Variants in NRXN1 observed in about 807,000 individuals in gnomAD.
The protein encoded by NRXN1 is neurexin-1.
A neutral mutation model predicts 150.9 loss-of-function variants in NRXN1; 39 were observed. The observed-to-expected ratio is 0.26, with a 90% CI of 0.20 to 0.34. The LOEUF is 0.34. Among genes scored for constraint, NRXN1 ranks in the 10% least tolerant of loss-of-function variants. NRXN1 has a pLI of 1.00. For missense variants in NRXN1, 1,815 were observed against 1,949.9 expected, an observed-to-expected ratio of 0.93 and a Z score of 1.30; for synonymous variants, 924 against 757.0, an observed-to-expected ratio of 1.22 and a Z score of -3.62.
Position 50,249,307 on chromosome 2 carries a change from A to G in NRXN1, c.3365-12337T>C, listed in dbSNP as rs560248974. Among the ~76,000 whole-genome samples the G allele has an allele frequency of 3.3e-5, 5 of 152,242 alleles. No individual in the cohort carries two copies. In the East Asian group the frequency reaches 7.7e-4, roughly 24 times the overall value. ...TGAGAGATCACTTTTAGATTTCTTG[A>G]AAGTTTAAAAACCAGATGGCTTAGA... On this transcript the variant is annotated intron_variant, in intron 17 of 22. Coordinates refer to ENST00000401669, the MANE Select transcript of NRXN1 (RefSeq NM_001330078.2).
intron 2 of NRXN1, among the ~76,000 whole-genome samples, chr2:50,977,874 A>T (rs1696112182): frequency 6.6e-6 from 1 of 151,880 alleles, no homozygotes; most frequent in African/African-American, 2.4e-5. Context: ...GAAATAGGGC[A>T]TTGCATCTAT....
intron 5 of NRXN1, among the ~76,000 whole-genome samples, chr2:50,775,830 T>C (rs989114525): frequency 1.3e-5 from 2 of 152,112 alleles, no homozygotes; most frequent in East Asian, 3.9e-4. Flanking sequence ...AAGTCAACTT[T>C]TTTATGTAAA....
At chr2:50,770,414 G>T (rs1445205714) in intron 5 of NRXN1, among the ~76,000 whole-genome samples, 1 of 151,502 alleles carries the variant, frequency 6.6e-6, no homozygotes, top group Non-Finnish European at 1.5e-5. Context: ...GTGAATTCTG[G>T]CTCCATTAAA....
At chr2:50,009,141 T>G (rs1685239445) in intron 21 of NRXN1, among the ~76,000 whole-genome samples, 1 of 152,150 alleles carries the variant, frequency 6.6e-6, no homozygotes, top group Admixed American at 6.5e-5. Context: ...AAGTAAATAG[T>G]ATTTATGATA....
At chr2:50,518,888 T>C (rs556743088) in intron 12 of NRXN1, among the ~76,000 whole-genome samples, 1 of 144,522 alleles carries the variant, frequency 6.9e-6, no homozygotes, top group African/African-American at 2.6e-5. Context: ...ATAAACTTTT[T>C]CCAAAAGTAA....
chr2:50,967,606 A>G (rs1169531898), intron 2 of NRXN1, among the ~76,000 whole-genome samples: 1 of 152,080 alleles, frequency 6.6e-6, no homozygotes, highest in African/African-American at 2.4e-5. Context: ...ATAGAGATGT[A>G]ATGATTTTTA....
chr2:50,200,834 T>C (rs2062107653), intron 18 of NRXN1, among the ~76,000 whole-genome samples: 1 of 152,092 alleles, frequency 6.6e-6, no homozygotes, highest in African/African-American at 2.4e-5. Context: ...CCTATGAAAA[T>C]TGTATTAGGT....
At chr2:50,587,671 T>A (rs1190374983) in intron 8 of NRXN1, among the ~76,000 whole-genome samples, 2 of 152,176 alleles carry the variant, frequency 1.3e-5, no homozygotes, top group Non-Finnish European at 2.9e-5. Flanking sequence ...AAATTGTAAA[T>A]ATATGAATAA....
At chr2:50,576,883 G>A (rs1335623311) in intron 8 of NRXN1, among the ~76,000 whole-genome samples, 2 of 151,848 alleles carry the variant, frequency 1.3e-5, no homozygotes, top group African/African-American at 2.4e-5. Flanking sequence ...CTCCTCTGTG[G>A]TTAAGTAGCT....
At chr2:50,395,295 C>G (rs1296693798) in intron 17 of NRXN1, among the ~76,000 whole-genome samples, 1 of 151,564 alleles carries the variant, frequency 6.6e-6, no homozygotes, top group Non-Finnish European at 1.5e-5. Flanking sequence ...GATCATAACA[C>G]TTGTCCTAAT....
At chr2:50,592,512 A>C (rs553964463) in intron 8 of NRXN1, among the ~76,000 whole-genome samples, 1 of 152,328 alleles carries the variant, frequency 6.6e-6, no homozygotes, top group East Asian at 1.9e-4. Flanking sequence ...GAGGGCAGGG[A>C]GGTTCTCTTA....
At chr2:50,173,022 A>G (rs1334292703) in intron 18 of NRXN1, among the ~76,000 whole-genome samples, 1 of 152,200 alleles carries the variant, frequency 6.6e-6, no homozygotes, top group Admixed American at 6.5e-5. Context: ...CAGGCTTGCT[A>G]TAGATAAATA....
intron 17 of NRXN1, among the ~76,000 whole-genome samples, chr2:50,396,569 GTGGTCAAAAAACGAGAACT>G (rs1466325654): frequency 6.6e-6 from 1 of 152,098 alleles, no homozygotes; most frequent in Non-Finnish European, 1.5e-5. Context: ...ATGAGGAATT[GTGGTCAAAAAACGAGAACT>G]TCTTTTTGGT....
chr2:49,953,066 A>C (rs1674266635), intron 21 of NRXN1, among the ~76,000 whole-genome samples: 1 of 152,150 alleles, frequency 6.6e-6, no homozygotes, highest in African/African-American at 2.4e-5. Context: ...TATAAAAAAC[A>C]TTTCTCTGCT....
intron 5 of NRXN1, among the ~76,000 whole-genome samples, chr2:50,801,276 T>C (rs1270932067): frequency 1.3e-5 from 2 of 152,152 alleles, no homozygotes; most frequent in African/African-American, 4.8e-5. Context: ...TCAGATTCTA[T>C]TTTTTTGTTC....
Position 50,327,664 on chromosome 2 carries a change from T to C in NRXN1, c.3365-90694A>G, listed in dbSNP as rs76465414. The stretch of plus-strand genomic sequence containing the variant: ...CTTTCCTCCTTTCTTTCTTTTTTTT[T>C]GTTTTGACAGAGTCTCGCTCTTTCA... On this transcript the variant is annotated intron_variant, in intron 17 of 22. Coordinates refer to ENST00000401669, the MANE Select transcript of NRXN1 (RefSeq NM_001330078.2). Among the ~76,000 whole-genome samples, 16 of 152,046 alleles carry C rather than the reference T, an allele frequency of 1.1e-4. No individual in the cohort carries two copies. The East Asian group carries it at 3.1e-3, about 29-fold the overall frequency.
intron 21 of NRXN1, among the ~76,000 whole-genome samples, chr2:50,014,105 T>A (rs1686174493): frequency 1.3e-5 from 2 of 151,136 alleles, no homozygotes; most frequent in African/African-American, 4.8e-5. Flanking sequence ...GTTTTTTTTT[T>A]GTTTTTGTTT....
chr2:50,025,665 A>AT (rs1306639089), intron 21 of NRXN1, among the ~76,000 whole-genome samples: 4 of 152,200 alleles, frequency 2.6e-5, no homozygotes, highest in Non-Finnish European at 5.9e-5. Context: ...TCTGGAAGTA[A>AT]TATTAGTTTC....
intron 5 of NRXN1, among the ~76,000 whole-genome samples, chr2:50,828,623 A>C (rs1400871866): frequency 6.7e-6 from 1 of 148,726 alleles, no homozygotes; most frequent in East Asian, 2.0e-4. Flanking sequence ...CCCACATCTC[A>C]GAAGATGGGT....
Sources: allele counts gnomAD v4.1 joint callset (sites outside exome capture counted in the v4.1 genomes callset), GRCh38; gene constraint gnomAD v4.1.1; transcripts MANE v1.5; gene names NCBI Gene and HGNC (gene_info 2026-07-23, HGNC 2026-07-21).